SLIT3: variants seen among roughly 807,000 people sequenced by gnomAD.
SLIT3 encodes the protein slit homolog 3 protein.
SLIT3 carries 68 observed loss-of-function variants against 184.0 expected under a neutral mutation model. The ratio of observed to expected loss-of-function variants is 0.37; its 90% CI spans 0.30 to 0.45. The LOEUF is 0.45. Ranked by LOEUF, SLIT3 falls within the 20% of genes least tolerant of loss-of-function variation. The pLI is 1.00. For synonymous variants in SLIT3, 831 were observed against 828.6 expected (o/e 1.00, Z -0.05); for missense variants, 1,707 against 2,026.0 (o/e 0.84, Z 3.02).
At chr5:169,006,605 T>TCTCTCACA (rs899753279) in intron 4 of SLIT3, among the ~76,000 whole-genome samples, 1 of 145,792 alleles carries the variant, frequency 6.9e-6, no homozygotes, top group African/African-American at 2.6e-5. Context: ...TCTCTCTCTC[T>TCTCTCACA]CACACACACA....
At chr5:169,092,566 C>T (rs549467483) in intron 4 of SLIT3, among the ~76,000 whole-genome samples, 3 of 152,200 alleles carry the variant, frequency 2.0e-5, no homozygotes, top group Non-Finnish European at 4.4e-5. Flanking sequence ...GTGACCTAGG[C>T]TCAGCCAATG....
intron 5 of SLIT3, among the ~76,000 whole-genome samples, chr5:168,862,741 C>G (rs904561660): frequency 6.6e-6 from 1 of 151,828 alleles, no homozygotes; most frequent in Non-Finnish European, 1.5e-5. Flanking sequence ...ATGGCACAAT[C>G]TTGGCTCACT....
chr5:169,107,926 G>A (rs754228319), intron 4 of SLIT3, among the ~76,000 whole-genome samples: 1 of 152,120 alleles, frequency 6.6e-6, no homozygotes, highest in Non-Finnish European at 1.5e-5. Flanking sequence ...CTCGATGATC[G>A]GGCTGAGATG....
In SLIT3 at chr5:169,248,668, G is replaced by GC. The variant is rs1403495240; in HGVS notation, c.269+2719dup. On this transcript the variant is annotated intron_variant, in intron 2 of 35. Transcript: ENST00000519560. ...TAGCACTGGATCAGGATCGGAAATC[G>GC]CCCCCCATGTGATGACGGCTGGGGT... Among the ~76,000 whole-genome samples the GC allele has an allele frequency of 3.3e-5, 5 of 152,192 alleles. No homozygotes were observed. The South Asian group carries it at 8.3e-4, about 25-fold the overall frequency.
intron 6 of SLIT3, 31 bp from the exon 7 acceptor site, chr5:168,823,362 C>G: frequency 6.6e-7 from 1 of 1,522,556 alleles, no homozygotes; most frequent in Non-Finnish European, 9.1e-7. Context: ...GATGGTCAGC[C>G]AGGCAGCAGC....
intron 34 of SLIT3, among the ~76,000 whole-genome samples, chr5:168,670,621 T>C (rs1038829866): frequency 1.3e-5 from 2 of 152,222 alleles, no homozygotes; most frequent in African/African-American, 4.8e-5. Context: ...TCAAACCCTG[T>C]ATAGCTGTCC....
At position 168,967,641 on chromosome 5, in the gene SLIT3, C is replaced by T. The variant is rs1252557703; in HGVS notation, c.414-84305G>A. On this transcript the variant is annotated intron_variant, in intron 4 of 35. Coordinates refer to ENST00000519560, the MANE Select transcript of SLIT3 (RefSeq NM_003062.4). ...ATTTTTAGTAGAGACGGGGTTTCAC[C>T]GTTTTAGCCGGGATGGTCTCGATCT... Among the ~76,000 whole-genome samples, 5 of 139,266 alleles carry T rather than the reference C, an allele frequency of 3.6e-5. 1 individual carries two copies. In the South Asian group the frequency reaches 6.9e-4, roughly 19 times the overall value. 91.4% of individuals were successfully genotyped at this position (139,266 alleles called of 152,430 possible).
At chr5:168,787,122 T>C (rs1447107093) in intron 11 of SLIT3, among the ~76,000 whole-genome samples, 3 of 152,222 alleles carry the variant, frequency 2.0e-5, no homozygotes. Flanking sequence ...GTGTGTTTCA[T>C]TAATGTTTCA....
At chr5:169,087,294 T>C (rs1759346142) in intron 4 of SLIT3, among the ~76,000 whole-genome samples, 1 of 152,182 alleles carries the variant, frequency 6.6e-6, no homozygotes, top group Non-Finnish European at 1.5e-5. Flanking sequence ...AAGTGTCTAG[T>C]GGAGATTTTC....
At chr5:168,969,547 C>T (rs1326295525) in intron 4 of SLIT3, among the ~76,000 whole-genome samples, 4 of 152,200 alleles carry the variant, frequency 2.6e-5, no homozygotes, top group African/African-American at 9.6e-5. Context: ...GAATCCCTCC[C>T]TTGCAGGTCA....
chr5:168,968,531 G>T (rs1763293467), intron 4 of SLIT3, among the ~76,000 whole-genome samples: 1 of 152,180 alleles, frequency 6.6e-6, no homozygotes, highest in African/African-American at 2.4e-5. Flanking sequence ...ATCCTCCTAT[G>T]AACTTGTGTA....
intron 4 of SLIT3, among the ~76,000 whole-genome samples, chr5:168,977,913 C>G (rs75270570): frequency 1.2e-3 from 188 of 152,302 alleles, no homozygotes; most frequent in African/African-American, 4.3e-3. Flanking sequence ...TTCTGCCAAT[C>G]AAGCAACAAT....
At chr5:168,753,803 A>G (rs1033871459) in intron 17 of SLIT3, 61 bp downstream of exon 17, 3 of 1,571,830 alleles carry the variant, frequency 1.9e-6, no homozygotes, top group Non-Finnish European at 2.6e-6. Flanking sequence ...GTCTGTCTCT[A>G]ATTCCCCTGC....
At chr5:169,123,204 A>G (rs1017320568) in intron 4 of SLIT3, among the ~76,000 whole-genome samples, 3 of 152,196 alleles carry the variant, frequency 2.0e-5, no homozygotes, top group East Asian at 1.9e-4. Context: ...TTTGTAAAGA[A>G]TCTCTATCAG....
chr5:168,902,039 G>A (rs1760889578), intron 4 of SLIT3, among the ~76,000 whole-genome samples: 1 of 152,146 alleles, frequency 6.6e-6, no homozygotes, highest in African/African-American at 2.4e-5. Context: ...CTATAGGTGT[G>A]CATCACCATG....
At chr5:169,094,095 A>C (rs1463172373) in intron 4 of SLIT3, among the ~76,000 whole-genome samples, 1 of 152,212 alleles carries the variant, frequency 6.6e-6, no homozygotes, top group Non-Finnish European at 1.5e-5. Flanking sequence ...TAGAAATATA[A>C]AGAAATTGGT....
chr5:168,678,658 G>A lies in SLIT3; in HGVS notation c.3686+5308C>T, dbSNP rs984261199. Among the ~76,000 whole-genome samples the A allele has an allele frequency of 3.9e-5, 6 of 151,966 alleles. No homozygotes were observed. In the South Asian group the frequency reaches 1.0e-3, roughly 26 times the overall value. ...AGATCGCGCTACTGCACTCCAGCCC[G>A]GGTGACAGAGTGAGACTCTGTCTCA... On this transcript the variant is annotated intron_variant, in intron 32 of 35. Transcript: ENST00000519560.
At chr5:168,670,456 A>G (rs1582510068) in intron 34 of SLIT3, among the ~76,000 whole-genome samples, 1 of 152,256 alleles carries the variant, frequency 6.6e-6, no homozygotes, top group African/African-American at 2.4e-5. Context: ...TGCTGCTCCT[A>G]TGCAGTACAT....
At chr5:168,972,331 G>A (rs1440445215) in intron 4 of SLIT3, among the ~76,000 whole-genome samples, 1 of 146,344 alleles carries the variant, frequency 6.8e-6, no homozygotes, top group Admixed American at 7.0e-5. Context: ...CTAGCTGCAG[G>A]ACAACATGTG....
Sources: gnomAD v4.1 joint callset for allele counts (sites outside exome capture counted in the v4.1 genomes callset) on GRCh38, gnomAD v4.1.1 for gene constraint, MANE v1.5 for transcripts, NCBI Gene and HGNC (gene_info 2026-07-23, HGNC 2026-07-21) for gene names.